The following KCMF1 variants were observed in gnomAD, a reference collection of about 807,000 sequenced individuals.
KCMF1 encodes the protein potassium channel modulatory factor 1.
In KCMF1, 3 loss-of-function variants were observed where a neutral mutation model predicts 41.1. The ratio of observed to expected loss-of-function variants is 0.07; its 90% CI spans 0.03 to 0.19. The LOEUF is 0.19. Among genes scored for constraint, KCMF1 ranks in the 10% least tolerant of loss-of-function variants. The pLI is 1.00. For synonymous variants in KCMF1, 142 were observed against 164.5 expected (o/e 0.86, Z 1.04); for missense variants, 286 against 488.9 (o/e 0.58, Z 3.91).
chr2:85,005,202 T>C (rs1275691502), intron 1 of KCMF1, among the ~76,000 whole-genome samples: 1 of 152,004 alleles, frequency 6.6e-6, no homozygotes. Context: ...CCGCCGTGCC[T>C]GGCCTAAATT....
At position 84,971,443 on chromosome 2, in the gene KCMF1, T is replaced by G; in HGVS notation, c.-9T>G. The G allele has an allele frequency of 7.9e-7, 1 of 1,263,034 alleles. No homozygotes were observed. Among genetic ancestry groups the G allele is most frequent in the Non-Finnish European group, 1.0e-6 (1 of 982,468 alleles). The allele number at this position is 1,263,034 out of a possible 1,614,324, so 78.2% of individuals were successfully genotyped here. On this transcript the variant is annotated 5_prime_UTR_variant, in exon 1 of 7. Coordinates refer to ENST00000409785, the MANE Select transcript of KCMF1 (RefSeq NM_020122.5). Reference sequence around the variant, plus strand: ...CGGGAGGGGCCGCGCCGCCACCGTCTGAACTAGGATGTCCCGACATGAAGG... The same window carrying G: ...CGGGAGGGGCCGCGCCGCCACCGTCGGAACTAGGATGTCCCGACATGAAGG...
chr2:84,981,739 A>G (rs1673758311), intron 1 of KCMF1, among the ~76,000 whole-genome samples: 1 of 152,052 alleles, frequency 6.6e-6, no homozygotes, highest in Non-Finnish European at 1.5e-5. Context: ...TCTCTCCAGC[A>G]GCACTCCTGT....
chr2:84,995,354 A>C (rs868317230), intron 1 of KCMF1, among the ~76,000 whole-genome samples: 65 of 152,178 alleles, frequency 4.3e-4, no homozygotes, highest in African/African-American at 1.5e-3. Context: ...GCTATGATAG[A>C]TATGTTCAGA....
rs183691036 is a variant in KCMF1 at position 85,004,855 on chromosome 2, G to A, written c.17-23034G>A. 8.2e-3 allele frequency among the ~76,000 whole-genome samples: 1,241 copies of A among 151,346 alleles called. 7 individuals carry two copies. Among genetic ancestry groups the A allele is most frequent in the South Asian group, 0.017 (82 of 4,820 alleles). On this transcript the variant is annotated intron_variant, in intron 1 of 6. Transcript: ENST00000409785. ...TATTTATTTATTTATTTATTTTTGA[G>A]ATGGAGTTTCACTCTTGTCGCCCAG...
chr2:85,004,697 C>G (rs1196615944), intron 1 of KCMF1, among the ~76,000 whole-genome samples: 1 of 151,840 alleles, frequency 6.6e-6, no homozygotes, highest in South Asian at 2.1e-4. Context: ...AGTTGTGATT[C>G]GTAGGATTGT....
At chr2:84,988,765 C>T (rs1673965047) in intron 1 of KCMF1, among the ~76,000 whole-genome samples, 4 of 152,174 alleles carry the variant, frequency 2.6e-5, no homozygotes, top group African/African-American at 9.7e-5. Flanking sequence ...GACCAAAGCC[C>T]ATGTTCATTC....
chr2:85,004,406 G>A (rs527584591), intron 1 of KCMF1, among the ~76,000 whole-genome samples: 24 of 152,124 alleles, frequency 1.6e-4, no homozygotes, highest in African/African-American at 5.3e-4. Flanking sequence ...CAGCTACTCT[G>A]GAGGCTGAGG....
intron 1 of KCMF1, among the ~76,000 whole-genome samples, chr2:85,022,153 CAT>C (rs920420660): frequency 2.6e-5 from 4 of 151,874 alleles, no homozygotes; most frequent in Non-Finnish European, 5.9e-5. Flanking sequence ...TTAATAAAAA[CAT>C]ATTCATTCAA....
intron 6 of KCMF1, among the ~76,000 whole-genome samples, chr2:85,050,036 G>A (rs146579324): frequency 0.013 from 1,925 of 152,182 alleles, 52 homozygotes; most frequent in African/African-American, 0.045. Flanking sequence ...TGTAGTCCCC[G>A]CTACTCAGGA....
At chr2:84,998,964 A>ATCTG (rs747182548) in intron 1 of KCMF1, among the ~76,000 whole-genome samples, 2 of 77,576 alleles carry the variant, frequency 2.6e-5, no homozygotes, top group Non-Finnish European at 4.6e-5. Flanking sequence ...CTATCTATCT[A>ATCTG]TCTGTCTGTC....
At chr2:85,035,987 G>A (rs1349765229) in intron 3 of KCMF1, among the ~76,000 whole-genome samples, 2 of 152,138 alleles carry the variant, frequency 1.3e-5, no homozygotes, top group Non-Finnish European at 2.9e-5. Flanking sequence ...AAAGTAGCAT[G>A]CTCAAGGACA....
At chr2:85,024,553 T>TGA (rs377478206) in intron 1 of KCMF1, among the ~76,000 whole-genome samples, 5,632 of 141,576 alleles carry the variant, frequency 0.04, 112 homozygotes, top group Admixed American at 0.047. Flanking sequence ...ATTTGGAGAG[T>TGA]GAGAGAGAGA....
chr2:84,976,321 C>T (rs1322502230), intron 1 of KCMF1, among the ~76,000 whole-genome samples: 1 of 151,752 alleles, frequency 6.6e-6, no homozygotes, highest in Non-Finnish European at 1.5e-5. Flanking sequence ...ATTCTCCTGC[C>T]TCAGCCTCCC....
rs376242319 is a variant in KCMF1, at chr2:84,987,221, T to C, written c.16+15754T>C. Reference sequence around the variant, plus strand: ...CAGTCTTGTTCTTTTCCCATACAGATTGTGGGACAGAGGAAGGAGTAGTGC... The same window carrying C: ...CAGTCTTGTTCTTTTCCCATACAGACTGTGGGACAGAGGAAGGAGTAGTGC... On this transcript the variant is annotated intron_variant, in intron 1 of 6. Transcript: ENST00000409785. 1.6e-3 allele frequency among the ~76,000 whole-genome samples: 237 copies of C among 152,346 alleles called. 3 individuals carry two copies. Among genetic ancestry groups the C allele is most frequent in the African/African-American group, 5.6e-3 (231 of 41,586 alleles).
intron 1 of KCMF1, among the ~76,000 whole-genome samples, chr2:85,003,401 C>T (rs1170946740): frequency 6.6e-6 from 1 of 152,018 alleles, no homozygotes; most frequent in Non-Finnish European, 1.5e-5. Flanking sequence ...TGGTGCAAAC[C>T]CTGGAGGCAT....
chr2:85,052,671 CAAG>C (rs962678401), intron 6 of KCMF1, among the ~76,000 whole-genome samples: 4 of 152,046 alleles, frequency 2.6e-5, no homozygotes, highest in African/African-American at 9.7e-5. Context: ...CTGCATATAC[CAAG>C]AAGAATTAAA....
chr2:85,029,995 T>C (rs1675226712), intron 2 of KCMF1, among the ~76,000 whole-genome samples: 1 of 152,082 alleles, frequency 6.6e-6, no homozygotes, highest in Admixed American at 6.6e-5. Context: ...GTGCTATAAT[T>C]TCTTACCTAG....
intron 3 of KCMF1, among the ~76,000 whole-genome samples, chr2:85,037,466 T>C (rs1189165842): frequency 6.6e-6 from 1 of 152,098 alleles, no homozygotes; most frequent in Non-Finnish European, 1.5e-5. Context: ...GCCATACCAG[T>C]TGTTAAGTGT....
intron 1 of KCMF1, among the ~76,000 whole-genome samples, chr2:85,021,398 C>T (rs561666345): frequency 3.9e-5 from 6 of 152,156 alleles, no homozygotes; most frequent in South Asian, 2.1e-4. Context: ...CCAAGGCGGG[C>T]GGATCACGAG....
Sources: gnomAD v4.1 joint callset for allele counts (sites outside exome capture counted in the v4.1 genomes callset) on GRCh38, gnomAD v4.1.1 for gene constraint, MANE v1.5 for transcripts, NCBI Gene and HGNC (gene_info 2026-07-23, HGNC 2026-07-21) for gene names.